MTCL2: variants seen among roughly 807,000 people sequenced by gnomAD.
MTCL2 encodes microtubule cross-linking factor 2.
the MTCL2 span, among the ~76,000 whole-genome samples, chr20:36,821,867 A>ATAC: frequency 6.6e-5 from 10 of 152,224 alleles, no homozygotes; most frequent in East Asian, 1.9e-3. Flanking sequence ...TGCTAAGCAC[A>ATAC]TACTACTACC....
At chr20:36,802,921 G>A in the MTCL2 span, 40 of 1,571,348 alleles carry the variant, frequency 2.5e-5, no homozygotes, top group South Asian at 5.8e-5. Context: ...CCCTGCAGCC[G>A]CTCCACCAGC....
At chr20:36,828,972 G>T in the MTCL2 span, 3 of 1,405,672 alleles carry the variant, frequency 2.1e-6, no homozygotes, top group Non-Finnish European at 2.8e-6. Flanking sequence ...ACAAGCGGGG[G>T]CTCACAGAGA....
At chr20:36,787,091 T>C in the MTCL2 span, among the ~76,000 whole-genome samples, 2 of 151,746 alleles carry the variant, frequency 1.3e-5, no homozygotes, top group Non-Finnish European at 2.9e-5. Flanking sequence ...CCTCCCAAAC[T>C]GCTGGAATTA....
chr20:36,785,886 T>C, the MTCL2 span: 1 of 986,016 alleles, frequency 1.0e-6, no homozygotes, highest in South Asian at 4.7e-5. Flanking sequence ...TGGCCCTGGC[T>C]ACTGCCCTAT....
chr20:36,792,380 G>A, the MTCL2 span, among the ~76,000 whole-genome samples: 4 of 152,114 alleles, frequency 2.6e-5, no homozygotes, highest in East Asian at 1.9e-4. Context: ...ATGGTGGCAG[G>A]TGCCTTAATC....
chr20:36,815,181 G>T, the MTCL2 span: 2 of 1,613,374 alleles, frequency 1.2e-6, no homozygotes, highest in East Asian at 4.5e-5. This position sits in a 1 kb window ranked among gnomAD's most constrained non-coding sequence, Gnocchi z 5.3. Context: ...GAGCCCCTGG[G>T]AGCCCAAGGG....
the MTCL2 span, among the ~76,000 whole-genome samples, chr20:36,788,020 G>A: frequency 6.6e-6 from 1 of 151,028 alleles, no homozygotes; most frequent in East Asian, 2.0e-4. Flanking sequence ...GGCCAACATG[G>A]TGAAACCCCA....
chr20:36,777,925 A>G, the MTCL2 span: 62 of 597,328 alleles, frequency 1.0e-4, 1 homozygote, highest in Admixed American at 3.2e-4. Context: ...GGGATTTAGG[A>G]TGCTTTCTTT....
chr20:36,811,882 A>C, the MTCL2 span, among the ~76,000 whole-genome samples: 1 of 152,286 alleles, frequency 6.6e-6, no homozygotes, highest in East Asian at 1.9e-4. Flanking sequence ...TGCAAGGTTC[A>C]GGGTTTCAGG....
the MTCL2 span, among the ~76,000 whole-genome samples, chr20:36,802,201 A>G: frequency 2.0e-5 from 3 of 152,100 alleles, no homozygotes; most frequent in African/African-American, 7.2e-5. Flanking sequence ...CACATGAATC[A>G]CTTGAACCTG....
the MTCL2 span, among the ~76,000 whole-genome samples, chr20:36,837,717 C>T: frequency 6.6e-6 from 1 of 151,820 alleles, no homozygotes; most frequent in African/African-American, 2.4e-5. Context: ...GCTGGGATTA[C>T]AGGCGGGAAC....
At chr20:36,820,281 G>C in the MTCL2 span, among the ~76,000 whole-genome samples, 1 of 152,212 alleles carries the variant, frequency 6.6e-6, no homozygotes. Context: ...GAGGAAGGAA[G>C]TGAAGTGACA....
the MTCL2 span, among the ~76,000 whole-genome samples, chr20:36,843,582 G>A: frequency 6.0e-3 from 913 of 152,306 alleles, 13 homozygotes; most frequent in East Asian, 0.034. Context: ...TCAGGCAGCC[G>A]GTGAAGGAAG....
At chr20:36,845,220 T>G in the MTCL2 span, among the ~76,000 whole-genome samples, 23 of 152,334 alleles carry the variant, frequency 1.5e-4, no homozygotes, top group African/African-American at 5.1e-4. Flanking sequence ...CAAGGGATTC[T>G]GATGAAGGGC....
At chr20:36,820,740 A>G in the MTCL2 span, among the ~76,000 whole-genome samples, 1 of 152,040 alleles carries the variant, frequency 6.6e-6, no homozygotes, top group Admixed American at 6.6e-5. Flanking sequence ...TACTAGGGAG[A>G]CTGGGGCAGG....
chr20:36,841,876 T>G, the MTCL2 span, among the ~76,000 whole-genome samples: 9,814 of 63,110 alleles, frequency 0.16, 436 homozygotes, highest in Middle Eastern at 0.22. Flanking sequence ...GGGGGTGGGG[T>G]GTGTGTGTGT....
At chr20:36,809,476 A>G in the MTCL2 span, among the ~76,000 whole-genome samples, 2 of 152,134 alleles carry the variant, frequency 1.3e-5, no homozygotes, top group Non-Finnish European at 2.9e-5. Flanking sequence ...CAGGCCGCCA[A>G]TGACAGCCCT....
chr20:36,862,644 C>T, the MTCL2 span: 22 of 1,491,092 alleles, frequency 1.5e-5, no homozygotes, highest in South Asian at 2.8e-4. Flanking sequence ...CCCTTTCTAC[C>T]CGGGCGCCCC....
chr20:36,808,975 C>G, the MTCL2 span, among the ~76,000 whole-genome samples: 1 of 152,254 alleles, frequency 6.6e-6, no homozygotes, highest in Admixed American at 6.5e-5. Context: ...CTCTAAAAAA[C>G]CATGACATCA....
Sources: allele counts gnomAD v4.1 joint callset (sites outside exome capture counted in the v4.1 genomes callset), GRCh38; gene constraint gnomAD v4.1.1; non-coding constraint Gnocchi (gnomAD v3.1); transcripts MANE v1.5; gene names NCBI Gene and HGNC (gene_info 2026-07-23, HGNC 2026-07-21).